The following COX7B2 variants were observed in gnomAD, a reference collection of about 807,000 sequenced individuals.
COX7B2 encodes the protein cytochrome c oxidase subunit 7B2, also known as cytochrome c oxidase subunit 7B2, mitochondrial.
For synonymous variants in COX7B2, 37 were observed against 32.1 expected, an observed-to-expected ratio of 1.15 and a Z score of -0.51; for missense variants, 109 against 95.9, an observed-to-expected ratio of 1.14 and a Z score of -0.57.
intron 1 of COX7B2, among the ~76,000 whole-genome samples, chr4:46,850,838 A>G (rs137982103): frequency 3.9e-5 from 6 of 152,232 alleles, no homozygotes; most frequent in African/African-American, 1.4e-4. Flanking sequence ...TTATGTGTCC[A>G]AGTACCAAAA....
At chr4:46,854,805 G>A (rs533807240) in intron 1 of COX7B2, among the ~76,000 whole-genome samples, 7 of 152,062 alleles carry the variant, frequency 4.6e-5, no homozygotes, top group East Asian at 1.9e-4. Context: ...TAAAAAGGCC[G>A]CTTACAAAAA....
chr4:46,863,000 T>C (rs1347949220), intron 1 of COX7B2, among the ~76,000 whole-genome samples: 2 of 152,178 alleles, frequency 1.3e-5, no homozygotes, highest in Non-Finnish European at 2.9e-5. Flanking sequence ...TATGAAATTG[T>C]TCTCATCTTT....
chr4:46,782,828 C>G lies in COX7B2; in HGVS notation c.-49-47587G>C, dbSNP rs373409949. 1.1e-4 allele frequency among the ~76,000 whole-genome samples: 16 copies of G among 152,222 alleles called. No homozygotes were observed. The East Asian group carries it at 1.9e-3, about 18-fold the overall frequency. On this transcript the variant is annotated intron_variant, in intron 2 of 2. Transcript: ENST00000355591. ...TTCACTACTGAAGTCAGCGAGACCA[C>G]GAACCCACCAGAAGGAAGAAACTCC... is the stretch of plus-strand genomic sequence containing the variant.
intron 2 of COX7B2, among the ~76,000 whole-genome samples, chr4:46,804,777 C>G (rs945451681): frequency 6.6e-6 from 1 of 152,266 alleles, no homozygotes; most frequent in African/African-American, 2.4e-5. Flanking sequence ...CCCAGTGTAT[C>G]CCCTACCGGG....
In COX7B2 at chr4:46,820,821, C is replaced by CA. The variant is rs754039038; in HGVS notation, c.-50+24138dup. Among the ~76,000 whole-genome samples the CA allele has an allele frequency of 2.2e-3, 305 of 137,756 alleles. 3 individuals are homozygous for CA. The highest frequency in any genetic ancestry group is 7.9e-3 in the East Asian group (37 of 4,680). The allele number at this position is 137,756 out of a possible 152,430, so 90.4% of individuals were successfully genotyped here. On this transcript the variant is annotated intron_variant, in intron 2 of 2. Coordinates refer to ENST00000355591, the MANE Select transcript of COX7B2 (RefSeq NM_130902.3). Reference sequence around the variant, plus strand: ...GGACAAAAAAAGCAAAACTCCATCTCAAAAAAAAAAAAAATATATATATAT... The same window carrying CA: ...GGACAAAAAAAGCAAAACTCCATCTCAAAAAAAAAAAAAAATATATATATAT...
At chr4:46,804,125 T>C (rs999541873) in intron 2 of COX7B2, among the ~76,000 whole-genome samples, 1 of 152,074 alleles carries the variant, frequency 6.6e-6, no homozygotes, top group African/African-American at 2.4e-5. Context: ...TCACAGCTCT[T>C]AAGGCGGCGC....
At chr4:46,843,083 T>G (rs900741884) in intron 2 of COX7B2, among the ~76,000 whole-genome samples, 8 of 152,100 alleles carry the variant, frequency 5.3e-5, no homozygotes, top group Non-Finnish European at 1.2e-4. Flanking sequence ...GACTTTTTAA[T>G]GATCACCATT....
At chr4:46,781,556 C>A (rs1717447138) in intron 2 of COX7B2, among the ~76,000 whole-genome samples, 9 of 152,242 alleles carry the variant, frequency 5.9e-5, no homozygotes, top group Admixed American at 5.9e-4. Flanking sequence ...GCCTCCTTGG[C>A]CTCAGTGTCC....
intron 2 of COX7B2, among the ~76,000 whole-genome samples, chr4:46,772,787 C>A (rs1716947595): frequency 6.6e-6 from 1 of 152,096 alleles, no homozygotes; most frequent in South Asian, 2.1e-4. Context: ...TGCAAACTTA[C>A]AGTTTTAAAC....
chr4:46,735,586 C>T (rs1257636084), intron 2 of COX7B2, among the ~76,000 whole-genome samples: 1 of 152,140 alleles, frequency 6.6e-6, no homozygotes, highest in Non-Finnish European at 1.5e-5. Flanking sequence ...CAGAAAGTCA[C>T]AGAACACGCC....
chr4:46,828,711 T>C (rs1426605183), intron 2 of COX7B2, among the ~76,000 whole-genome samples: 1 of 152,088 alleles, frequency 6.6e-6, no homozygotes, highest in Admixed American at 6.5e-5. Flanking sequence ...AATAGAATAA[T>C]TCAACATCAT....
At chr4:46,824,548 C>CA (rs1250946815) in intron 2 of COX7B2, among the ~76,000 whole-genome samples, 2 of 148,742 alleles carry the variant, frequency 1.3e-5, no homozygotes, top group Non-Finnish European at 3.0e-5. Flanking sequence ...AACAAACAAA[C>CA]AAAAAAACAC....
intron 1 of COX7B2, among the ~76,000 whole-genome samples, chr4:46,868,035 A>G (rs1310185697): frequency 6.6e-6 from 1 of 152,086 alleles, no homozygotes; most frequent in East Asian, 1.9e-4. Context: ...TAGTCTATTT[A>G]TTACTTATTC....
chr4:46,876,736 T>G (rs552297047), intron 1 of COX7B2: 1 of 152,168 alleles, frequency 6.6e-6, no homozygotes, highest in Non-Finnish European at 1.5e-5. Flanking sequence ...GCTTTTCATT[T>G]TCTAAAACAA....
intron 1 of COX7B2, among the ~76,000 whole-genome samples, chr4:46,888,179 G>A (rs1719197554): frequency 6.6e-6 from 1 of 152,146 alleles, no homozygotes; most frequent in Admixed American, 6.5e-5. Context: ...AGAACTCAGT[G>A]CTCTCCTTTG....
chr4:46,852,700 C>G (rs1274680140), intron 1 of COX7B2, among the ~76,000 whole-genome samples: 2 of 152,122 alleles, frequency 1.3e-5, no homozygotes, highest in Non-Finnish European at 2.9e-5. Flanking sequence ...AAGTCATTCT[C>G]AGACCTGGGC....
At chr4:46,838,669 C>A (rs920371527) in intron 2 of COX7B2, among the ~76,000 whole-genome samples, 1 of 151,988 alleles carries the variant, frequency 6.6e-6, no homozygotes, top group African/African-American at 2.4e-5. Context: ...TGTTAAGGCA[C>A]ACTGAAGATG....
chr4:46,851,308 A>T (rs1238376554), intron 1 of COX7B2, among the ~76,000 whole-genome samples: 2 of 152,096 alleles, frequency 1.3e-5, no homozygotes, highest in African/African-American at 2.4e-5. Flanking sequence ...ATATTTATGA[A>T]TTTCAGTTTC....
intron 1 of COX7B2, among the ~76,000 whole-genome samples, chr4:46,886,243 G>T (rs950267991): frequency 6.6e-6 from 1 of 152,050 alleles, no homozygotes; most frequent in Admixed American, 6.6e-5. Flanking sequence ...GAAAACTATG[G>T]AGACCATAAA....
Sources: gnomAD v4.1 joint callset for allele counts (sites outside exome capture counted in the v4.1 genomes callset) on GRCh38, gnomAD v4.1.1 for gene constraint, MANE v1.5 for transcripts, NCBI Gene and HGNC (gene_info 2026-07-23, HGNC 2026-07-21) for gene names.